WDR59: variants seen among roughly 807,000 people sequenced by gnomAD.
The protein encoded by WDR59 is WD repeat domain 59.
In WDR59, 100 loss-of-function variants were observed where a neutral mutation model predicts 131.2. The observed-to-expected ratio is 0.76, with a 90% CI of 0.65 to 0.90. The LOEUF (loss-of-function observed/expected upper bound fraction) is 0.90. Among genes scored for constraint, WDR59 ranks in the 40% least tolerant of loss-of-function variants. The pLI is 0.00. For synonymous variants in WDR59, 601 were observed against 466.2 expected, an observed-to-expected ratio of 1.29 and a Z score of -3.72; for missense variants, 1,203 against 1,262.2, an observed-to-expected ratio of 0.95 and a Z score of 0.71.
intron 6 of WDR59, among the ~76,000 whole-genome samples, chr16:74,944,189 G>A (rs561280110): frequency 6.6e-6 from 1 of 152,270 alleles, no homozygotes; most frequent in African/African-American, 2.4e-5. Context: ...CCAGAGGCCA[G>A]GCGCAGTGGC....
At chr16:74,934,483 G>A (rs944439141) in intron 8 of WDR59, among the ~76,000 whole-genome samples, 3 of 152,096 alleles carry the variant, frequency 2.0e-5, no homozygotes, top group Admixed American at 6.6e-5. Context: ...CTTATAAAAC[G>A]ATTATATGTC....
At chr16:74,922,346 G>T (rs918137709) in intron 9 of WDR59, among the ~76,000 whole-genome samples, 3 of 152,180 alleles carry the variant, frequency 2.0e-5, no homozygotes, top group African/African-American at 7.2e-5. Flanking sequence ...GAAGAACTTT[G>T]AAAATTCTAA....
chr16:74,890,360 A>G (rs900261589), intron 20 of WDR59, among the ~76,000 whole-genome samples: 2 of 152,184 alleles, frequency 1.3e-5, no homozygotes, highest in East Asian at 3.9e-4. Flanking sequence ...CATGTTGGCC[A>G]GGCTGGTCTG....
intron 1 of WDR59, among the ~76,000 whole-genome samples, chr16:74,980,709 A>T (rs1014184787): frequency 1.3e-5 from 2 of 152,154 alleles, no homozygotes; most frequent in African/African-American, 4.8e-5. Context: ...GCAATGGCTC[A>T]CATCTGTAAT....
intron 4 of WDR59, among the ~76,000 whole-genome samples, chr16:74,950,671 C>T (rs1046770485): frequency 6.6e-6 from 1 of 151,822 alleles, no homozygotes; most frequent in African/African-American, 2.4e-5. Context: ...AAGGAAAACT[C>T]GAAACCAACT....
intron 18 of WDR59, among the ~76,000 whole-genome samples, chr16:74,895,134 T>G (rs576788112): frequency 4.2e-4 from 64 of 152,342 alleles, no homozygotes; most frequent in Non-Finnish European, 4.4e-5. Flanking sequence ...ACCTACTAAA[T>G]TCAGGACATG....
At chr16:74,890,371 G>T (rs927862013) in intron 20 of WDR59, among the ~76,000 whole-genome samples, 1 of 152,038 alleles carries the variant, frequency 6.6e-6, no homozygotes, top group Non-Finnish European at 1.5e-5. Flanking sequence ...GGCTGGTCTG[G>T]AACTCCTGGA....
At chr16:74,879,080 C>A (rs1482496006) in intron 25 of WDR59, among the ~76,000 whole-genome samples, 1 of 152,188 alleles carries the variant, frequency 6.6e-6, no homozygotes, top group African/African-American at 2.4e-5. Flanking sequence ...TGACCAGGAG[C>A]AGCTTCTCAT....
In WDR59 at chr16:74,916,199, G is replaced by T; in HGVS notation, c.1027C>A (p.Pro343Thr). ...DEFIESISLL[P>T]EPEKTLHTED... The stretch of plus-strand genomic sequence containing the variant: ...GTGTGCAGGGTCTTCTCAGGTTCCG[G>T]CAGAAGGGAAATACTCTCAATGAAC... Residue 343 changes from proline to threonine, a missense_variant, in exon 12 of 26, where the codon CCG becomes ACG. Transcript: ENST00000262144. 2 of 1,613,994 alleles carry T rather than the reference G, an allele frequency of 1.2e-6. No individual in the cohort carries two copies. Among genetic ancestry groups the T allele is most frequent in the Non-Finnish European group, 1.7e-6 (2 of 1,179,932 alleles).
chr16:74,965,870 G>T, intron 1 of WDR59, 48 bp from the exon 2 acceptor site: 1 of 1,608,720 alleles, frequency 6.2e-7, no homozygotes, highest in Admixed American at 1.7e-5. Flanking sequence ...CCCAGCCGGG[G>T]ATAGAAGGCA....
chr16:74,949,433 G>A (rs774048536), intron 5 of WDR59, among the ~76,000 whole-genome samples: 2 of 150,650 alleles, frequency 1.3e-5, no homozygotes, highest in African/African-American at 2.4e-5. Context: ...AAGGAGGGAG[G>A]GAGGGAAAGA....
intron 25 of WDR59, among the ~76,000 whole-genome samples, chr16:74,879,330 C>G (rs138616321): frequency 0.015 from 2,295 of 152,230 alleles, 42 homozygotes; most frequent in African/African-American, 0.05. Context: ...GCACTGCAGC[C>G]TGGGTGACAG....
chr16:74,896,045 C>A (rs576846635), intron 18 of WDR59, among the ~76,000 whole-genome samples: 2 of 152,062 alleles, frequency 1.3e-5, no homozygotes, highest in African/African-American at 4.8e-5. Flanking sequence ...CACCCACAGG[C>A]CCCACATAAC....
intron 10 of WDR59, 127 bp downstream of exon 10, chr16:74,921,817 GCCC>G: frequency 8.5e-7 from 1 of 1,172,128 alleles, no homozygotes; most frequent in Admixed American, 2.8e-5. Flanking sequence ...GGTGGCAACA[GCCC>G]TGGCTCTCTG....
At chr16:74,949,907 G>A (rs1186456061) in intron 4 of WDR59, 109 bp from the exon 5 acceptor site, 8 of 969,770 alleles carry the variant, frequency 8.2e-6, no homozygotes, top group Non-Finnish European at 1.3e-5. Flanking sequence ...CATCATTAAC[G>A]GGCTTCTTAA....
intron 1 of WDR59, among the ~76,000 whole-genome samples, chr16:74,966,842 A>G (rs2033796003): frequency 6.6e-6 from 1 of 152,168 alleles, no homozygotes; most frequent in Non-Finnish European, 1.5e-5. Context: ...TCGTTTCAGG[A>G]GCCAACGTCT....
At chr16:74,911,370 C>T (rs1261531029) in intron 14 of WDR59, among the ~76,000 whole-genome samples, 1 of 152,098 alleles carries the variant, frequency 6.6e-6, no homozygotes, top group Non-Finnish European at 1.5e-5. Context: ...CATGTGATAC[C>T]CCCAACAAGG....
chr16:74,937,963 G>C (rs1029134582), intron 8 of WDR59, among the ~76,000 whole-genome samples, 187 bp downstream of exon 8: 3 of 152,254 alleles, frequency 2.0e-5, no homozygotes, highest in Non-Finnish European at 4.4e-5. Flanking sequence ...GCACCATGCT[G>C]GGTCTCGCTC....
intron 7 of WDR59, among the ~76,000 whole-genome samples, chr16:74,940,347 C>G (rs2032118191): frequency 6.6e-6 from 1 of 151,278 alleles, no homozygotes; most frequent in Admixed American, 6.6e-5. Flanking sequence ...CCATTGCACT[C>G]CAGCCTGGGC....
Sources: allele counts gnomAD v4.1 joint callset (sites outside exome capture counted in the v4.1 genomes callset), GRCh38; gene constraint gnomAD v4.1.1; transcripts MANE v1.5; gene names NCBI Gene and HGNC (gene_info 2026-07-23, HGNC 2026-07-21).